CDH18: variants seen among roughly 807,000 people sequenced by gnomAD.
The protein encoded by CDH18 is cadherin 18, also known as cadherin-18.
CDH18 carries 31 observed loss-of-function variants against 67.9 expected under a neutral mutation model. The ratio of observed to expected loss-of-function variants is 0.46; its 90% CI spans 0.34 to 0.62. The LOEUF is 0.62. Among genes scored for constraint, CDH18 ranks in the 20% least tolerant of loss-of-function variants. CDH18 has a pLI of 0.01. For synonymous variants in CDH18, 362 were observed against 347.2 expected, an observed-to-expected ratio of 1.04 and a Z score of -0.48; for missense variants, 890 against 975.5, an observed-to-expected ratio of 0.91 and a Z score of 1.17.
intron 10 of CDH18, among the ~76,000 whole-genome samples, chr5:19,513,765 T>C (rs988922780): frequency 5.3e-5 from 8 of 152,166 alleles, no homozygotes; most frequent in Non-Finnish European, 1.2e-4. Context: ...ACATTATCAT[T>C]TCATGGAACT....
At chr5:20,119,972 A>G (rs1246631518) in intron 2 of CDH18, among the ~76,000 whole-genome samples, 1 of 152,120 alleles carries the variant, frequency 6.6e-6, no homozygotes, top group African/African-American at 2.4e-5. Context: ...CATAATTACC[A>G]CAATGAAGCT....
intron 1 of CDH18, among the ~76,000 whole-genome samples, chr5:20,529,431 A>G (rs1401669223): frequency 6.6e-6 from 1 of 152,092 alleles, no homozygotes; most frequent in Admixed American, 6.5e-5. Context: ...GCAGAGATAC[A>G]ACAAAAAAGG....
At chr5:20,324,433 C>G (rs1020837207) in intron 1 of CDH18, among the ~76,000 whole-genome samples, 13 of 151,970 alleles carry the variant, frequency 8.6e-5, no homozygotes, top group African/African-American at 2.7e-4. Context: ...CCCAGCTACT[C>G]GGGAAGCTGA....
At chr5:19,758,945 C>T (rs115118945) in intron 3 of CDH18, among the ~76,000 whole-genome samples, 1 of 152,204 alleles carries the variant, frequency 6.6e-6, no homozygotes, top group Non-Finnish European at 1.5e-5. Flanking sequence ...ATCAAAGTCT[C>T]TCTGAATAAG....
chr5:20,249,737 G>T (rs1205408774), intron 2 of CDH18, among the ~76,000 whole-genome samples: 1 of 152,072 alleles, frequency 6.6e-6, no homozygotes, highest in Non-Finnish European at 1.5e-5. Context: ...AGCATCTTTT[G>T]AATTCTATTG....
chr5:20,056,150 G>T (rs117773272), intron 2 of CDH18, among the ~76,000 whole-genome samples: 3 of 150,598 alleles, frequency 2.0e-5, no homozygotes, highest in African/African-American at 7.3e-5. Context: ...AACTACAGGC[G>T]CCCACCACTA....
chr5:20,267,457 C>G (rs1382679744), intron 1 of CDH18, among the ~76,000 whole-genome samples: 1 of 151,670 alleles, frequency 6.6e-6, no homozygotes, highest in Non-Finnish European at 1.5e-5. Context: ...ACTTTTTTTT[C>G]TAATTCTGTG....
chr5:20,047,302 G>A (rs1457590918), intron 2 of CDH18, among the ~76,000 whole-genome samples: 1 of 151,804 alleles, frequency 6.6e-6, no homozygotes. Context: ...AAATCCTTAA[G>A]GGAAAAGAAT....
intron 3 of CDH18, among the ~76,000 whole-genome samples, chr5:19,821,398 AC>A (rs1779860028): frequency 2.0e-5 from 3 of 151,516 alleles, no homozygotes; most frequent in Non-Finnish European, 2.9e-5. Context: ...TAACCAAAAA[AC>A]AAAAAACAAA....
chr5:19,729,380 A>T (rs1243152580), intron 4 of CDH18, among the ~76,000 whole-genome samples: 1 of 152,208 alleles, frequency 6.6e-6, no homozygotes, highest in African/African-American at 2.4e-5. Flanking sequence ...ATAGTTGACA[A>T]TTGGAGACGG....
chr5:20,409,919 C>A (rs1487840722), intron 1 of CDH18, among the ~76,000 whole-genome samples: 1 of 151,504 alleles, frequency 6.6e-6, no homozygotes, highest in Non-Finnish European at 1.5e-5. Flanking sequence ...TGGAAATATA[C>A]AACCTAGCTA....
chr5:19,889,869 A>G (rs973781439), intron 2 of CDH18, among the ~76,000 whole-genome samples: 2 of 152,208 alleles, frequency 1.3e-5, no homozygotes, highest in Non-Finnish European at 2.9e-5. Context: ...TGTTTGCTCC[A>G]GAAGAGAATT....
chr5:20,056,468 TCTTTC>T (rs1741954321), intron 2 of CDH18, among the ~76,000 whole-genome samples: 4 of 143,756 alleles, frequency 2.8e-5, no homozygotes, highest in African/African-American at 7.6e-5. Flanking sequence ...TTCTTTATTT[TCTTTC>T]TTTTGTTTTT....
At chr5:19,603,738 T>C (rs1210536205) in intron 6 of CDH18, among the ~76,000 whole-genome samples, 3 of 150,696 alleles carry the variant, frequency 2.0e-5, no homozygotes, top group Non-Finnish European at 3.0e-5. Context: ...GGCTTAGATT[T>C]TCTGAGATAT....
rs185171963 is a variant in CDH18 at position 20,435,038 on chromosome 5, A to T, written c.-580+140424T>A. ...TTTAAGAAAGTAATTTTTGGCTTAA[A>T]CCAGCACAAGTAAGTTCTTCTGTAT... On this transcript the variant is annotated intron_variant, in intron 1 of 14. Coordinates refer to the CDH18 transcript ENST00000507958. 2.6e-5 allele frequency among the ~76,000 whole-genome samples: 4 copies of T among 152,180 alleles called. No individual in the cohort carries two copies. In the East Asian group the frequency reaches 5.8e-4, roughly 22 times the overall value.
chr5:19,500,268 G>T (rs1369827748), intron 11 of CDH18, among the ~76,000 whole-genome samples: 1 of 151,892 alleles, frequency 6.6e-6, no homozygotes, highest in Non-Finnish European at 1.5e-5. Context: ...TATACAGTTT[G>T]GTAGGGCTAT....
intron 2 of CDH18, among the ~76,000 whole-genome samples, chr5:19,943,112 T>A (rs953955194): frequency 3.9e-5 from 6 of 152,152 alleles, no homozygotes; most frequent in African/African-American, 1.2e-4. Context: ...TGTGTTTACA[T>A]CATATCATCC....
intron 2 of CDH18, among the ~76,000 whole-genome samples, chr5:20,052,143 A>G (rs1741481430): frequency 6.6e-6 from 1 of 152,278 alleles, no homozygotes; most frequent in South Asian, 2.1e-4. Flanking sequence ...AGAGAGCATT[A>G]CACTGTAAAT....
At chr5:19,803,567 A>C (rs1410025296) in intron 3 of CDH18, among the ~76,000 whole-genome samples, 1 of 152,220 alleles carries the variant, frequency 6.6e-6, no homozygotes, top group Non-Finnish European at 1.5e-5. Context: ...GTCTAAACCC[A>C]TTATGGTAAT....
Sources: gnomAD v4.1 joint callset for allele counts (sites outside exome capture counted in the v4.1 genomes callset) on GRCh38, gnomAD v4.1.1 for gene constraint, MANE v1.5 for transcripts, NCBI Gene and HGNC (gene_info 2026-07-23, HGNC 2026-07-21) for gene names.